DNAH6: variants seen among roughly 807,000 people sequenced by gnomAD.
DNAH6 encodes the protein dynein axonemal heavy chain 6.
In DNAH6, 340 loss-of-function variants were observed where a neutral mutation model predicts 491.4. That is an observed-to-expected ratio of 0.69 (90% confidence interval 0.63 to 0.76). The LOEUF is 0.76. DNAH6 is among the 30% of genes least tolerant of loss of function. The pLI, the probability that DNAH6 is intolerant of heterozygous loss-of-function variation, is 0.00. For missense variants in DNAH6, 4,443 were observed against 4,972.2 expected (o/e 0.89, Z 3.20); for synonymous variants, 1,603 against 1,686.1 (o/e 0.95, Z 1.21).
At chr2:84,660,661 T>C (rs1477617497) in intron 37 of DNAH6, among the ~76,000 whole-genome samples, 2 of 152,112 alleles carry the variant, frequency 1.3e-5, no homozygotes, top group Non-Finnish European at 1.5e-5. Flanking sequence ...ACATGATCAA[T>C]TTAATTTAAC....
At chr2:84,590,209 AACTTGGCTGGGCGCAGT>A (rs1156403324) in intron 16 of DNAH6, among the ~76,000 whole-genome samples, 2 of 152,098 alleles carry the variant, frequency 1.3e-5, no homozygotes, top group East Asian at 3.9e-4. Context: ...AAAAAGCTAC[AACTTGGCTGGGCGCAGT>A]GGCTCACACC....
chr2:84,611,982 C>T, intron 22 of DNAH6, 128 bp downstream of exon 22: 2 of 752,676 alleles, frequency 2.7e-6, no homozygotes, highest in Middle Eastern at 3.0e-4. Context: ...TGATTCTAGT[C>T]AGCATGGATG....
At chr2:84,538,039 T>C (rs1677866549) in intron 4 of DNAH6, among the ~76,000 whole-genome samples, 2 of 152,114 alleles carry the variant, frequency 1.3e-5, no homozygotes, top group African/African-American at 4.8e-5. Flanking sequence ...TAGGTAGGAT[T>C]GATATACCCA....
At chr2:84,572,228 T>C (rs1222679787) in intron 11 of DNAH6, among the ~76,000 whole-genome samples, 1 of 152,192 alleles carries the variant, frequency 6.6e-6, no homozygotes, top group Non-Finnish European at 1.5e-5. Flanking sequence ...GTTCAGAGTA[T>C]AATAATATGT....
upstream of DNAH6, among the ~76,000 whole-genome samples, chr2:84,512,523 A>T (rs571272671): frequency 2.8e-4 from 43 of 152,318 alleles, no homozygotes; most frequent in African/African-American, 1.0e-3. Flanking sequence ...TGCATTGAGG[A>T]TTAATTTTCC....
intron 45 of DNAH6, among the ~76,000 whole-genome samples, chr2:84,690,192 C>T (rs1187507094): frequency 6.6e-6 from 1 of 152,110 alleles, no homozygotes; most frequent in African/African-American, 2.4e-5. Context: ...TACATTTTAG[C>T]GTTGGTCCTT....
In DNAH6 at chr2:84,710,171, A is replaced by G. The variant is rs909179592; in HGVS notation, c.9253-116A>G. 7 of 1,352,328 alleles carry G rather than the reference A, an allele frequency of 5.2e-6. No individual in the cohort carries two copies. The African/African-American group carries it at 1.0e-4, about 20-fold the overall frequency. The allele number at this position is 1,352,328 out of a possible 1,614,324, so 83.8% of individuals were successfully genotyped here. On this transcript the variant is annotated intron_variant, in intron 55 of 76. Coordinates refer to ENST00000389394, the MANE Select transcript of DNAH6 (RefSeq NM_001370.2). ...GGGGACAGGGGAGTACAGTTTATAT[A>G]TTTCAAATTTGTTTCTAGATTGAAT...
At chr2:84,502,705 T>C in the DNAH6 span, among the ~76,000 whole-genome samples, 1 of 152,192 alleles carries the variant, frequency 6.6e-6, no homozygotes, top group Admixed American at 6.5e-5. Context: ...TATTTATAAT[T>C]GTTATATTTT....
intron 14 of DNAH6, among the ~76,000 whole-genome samples, chr2:84,582,281 T>C (rs969952900): frequency 5.9e-5 from 9 of 152,198 alleles, no homozygotes; most frequent in East Asian, 1.9e-4. Flanking sequence ...TCTGCTATTC[T>C]AGAACCGTGG....
At chr2:84,788,284 T>G (rs949067455) in intron 68 of DNAH6, among the ~76,000 whole-genome samples, 1 of 152,214 alleles carries the variant, frequency 6.6e-6, no homozygotes, top group South Asian at 2.1e-4. Flanking sequence ...TTTCTCATTT[T>G]CCTTTTCCTT....
chr2:84,685,629 C>A (rs1694188753), intron 43 of DNAH6, among the ~76,000 whole-genome samples, 157 bp downstream of exon 43: 1 of 151,528 alleles, frequency 6.6e-6, no homozygotes, highest in Non-Finnish European at 1.5e-5. Context: ...ATGAAATATG[C>A]AATATTATAA....
intron 71 of DNAH6, among the ~76,000 whole-genome samples, chr2:84,807,681 G>A (rs553500913): frequency 7.9e-5 from 12 of 152,208 alleles, no homozygotes; most frequent in Middle Eastern, 3.4e-3. Flanking sequence ...CCAGGCAACC[G>A]CTTCATCCTG....
At chr2:84,587,745 A>G (rs1424657206) in intron 15 of DNAH6, among the ~76,000 whole-genome samples, 1 of 152,122 alleles carries the variant, frequency 6.6e-6, no homozygotes, top group African/African-American at 2.4e-5. Context: ...TTTTTCACCT[A>G]TGCCACCATC....
At chr2:84,500,232 T>A in the DNAH6 span, among the ~76,000 whole-genome samples, 4 of 152,186 alleles carry the variant, frequency 2.6e-5, no homozygotes, top group African/African-American at 9.7e-5. Context: ...GGGGGTCTAG[T>A]CTCATTATTC....
chr2:84,780,936 G>T (rs1559033723), intron 64 of DNAH6, among the ~76,000 whole-genome samples: 1 of 152,126 alleles, frequency 6.6e-6, no homozygotes, highest in Non-Finnish European at 1.5e-5. Context: ...CACAGATGTT[G>T]TGTGATTAAT....
rs568390587 is a variant in DNAH6 at position 84,679,288 on chromosome 2, A to G, written c.6745-2069A>G. On this transcript the variant is annotated intron_variant, in intron 41 of 76. Transcript: ENST00000389394. ...AGTTAAATAGTGCATATATGCAGGG[A>G]GCGCACCACTAATGCCCAGACACGA... is the stretch of plus-strand genomic sequence containing the variant. 7.9e-5 allele frequency among the ~76,000 whole-genome samples: 12 copies of G among 152,292 alleles called. No individual in the cohort carries two copies. In the East Asian group the frequency reaches 2.1e-3, roughly 27 times the overall value.
intron 9 of DNAH6, among the ~76,000 whole-genome samples, chr2:84,550,351 G>A (rs916063867): frequency 6.6e-6 from 1 of 152,060 alleles, no homozygotes; most frequent in Admixed American, 6.6e-5. Context: ...TTCACAGTAC[G>A]GTTTGGGCTC....
At chr2:84,627,253 G>A (rs988246675) in intron 29 of DNAH6, among the ~76,000 whole-genome samples, 1 of 152,188 alleles carries the variant, frequency 6.6e-6, no homozygotes, top group African/African-American at 2.4e-5. Flanking sequence ...CAGGACCACT[G>A]TTCTAGAGTA....
At chr2:84,562,815 A>G (rs561621992) in intron 11 of DNAH6, among the ~76,000 whole-genome samples, 3 of 152,262 alleles carry the variant, frequency 2.0e-5, no homozygotes, top group South Asian at 4.1e-4. Context: ...CTCAATGAGG[A>G]AGGTTTTATT....
Sources: gnomAD v4.1 joint callset for allele counts (sites outside exome capture counted in the v4.1 genomes callset) on GRCh38, gnomAD v4.1.1 for gene constraint, MANE v1.5 for transcripts, NCBI Gene and HGNC (gene_info 2026-07-23, HGNC 2026-07-21) for gene names.